Variants in WRNIP1 observed in about 807,000 individuals in gnomAD.
The protein encoded by WRNIP1 is ATPase WRNIP1.
A neutral mutation model predicts 56.1 loss-of-function variants in WRNIP1; 41 were observed. The ratio of observed to expected loss-of-function variants is 0.73; its 90% CI spans 0.57 to 0.95. WRNIP1 has a LOEUF of 0.95. Ranked by LOEUF, WRNIP1 falls within the 40% of genes least tolerant of loss-of-function variation. The pLI, the probability that WRNIP1 is intolerant of heterozygous loss-of-function variation, is 0.00. For missense variants in WRNIP1, 1,170 were observed against 939.4 expected, an observed-to-expected ratio of 1.25 and a Z score of -3.21; for synonymous variants, 547 against 398.1, an observed-to-expected ratio of 1.37 and a Z score of -4.45.
Position 2,783,420 on chromosome 6 carries a change from A to G in WRNIP1, c.1501A>G (p.Asn501Asp). The G allele has an allele frequency of 6.2e-7, 1 of 1,604,782 alleles. No individual in the cohort carries two copies. The highest frequency in any genetic ancestry group is 2.3e-5 in the East Asian group (1 of 44,260). ...TGTGATGTCAGGTGAGGAGCATTAC[A>G]ACTGCATCTCCGCCCTGCACAAGTC... ...LYDRAGEEHY[N>D]CISALHKSMR... The change falls in exon 5 of 7, where the codon AAC becomes GAC. Residue 501 changes from asparagine (N) to aspartate (D), a missense_variant. Coordinates refer to ENST00000380773, the MANE Select transcript of WRNIP1 (RefSeq NM_020135.3).
chr6:2,768,640 C>T (rs892220073), intron 1 of WRNIP1, 51 bp from the exon 2 acceptor site: 3 of 1,481,142 alleles, frequency 2.0e-6, no homozygotes, highest in East Asian at 2.3e-5. Context: ...GGGTGCTGGT[C>T]TCTCTGTGTC....
At chr6:2,784,549 G>A (rs897971780) in intron 6 of WRNIP1, 146 bp downstream of exon 6, 3 of 761,782 alleles carry the variant, frequency 3.9e-6, no homozygotes, top group Non-Finnish European at 4.2e-6. Flanking sequence ...TCCAATTGTA[G>A]ACTCTTAGAC....
chr6:2,773,800 G>A (rs1581137111), intron 3 of WRNIP1: 1 of 984,952 alleles, frequency 1.0e-6, no homozygotes, highest in South Asian at 4.7e-5. Context: ...ACCAGATAGA[G>A]TATACAAGTC....
chr6:2,776,268 C>T (rs978598670), intron 3 of WRNIP1, among the ~76,000 whole-genome samples: 14 of 152,142 alleles, frequency 9.2e-5, no homozygotes, highest in Non-Finnish European at 1.5e-5. Context: ...GGAACCTTTC[C>T]CTGCTCAGTC....
chr6:2,784,936 A>T (rs1765674084), intron 6 of WRNIP1, 71 bp from the exon 7 acceptor site: 12 of 1,569,790 alleles, frequency 7.6e-6, no homozygotes, highest in Non-Finnish European at 8.7e-6. Context: ...AGAGCTGTGT[A>T]TCAGAAGGGG....
chr6:2,780,881 A>G (rs914903310), intron 4 of WRNIP1, among the ~76,000 whole-genome samples: 2 of 152,220 alleles, frequency 1.3e-5, no homozygotes, highest in Admixed American at 6.5e-5. Flanking sequence ...TGAGATCCAT[A>G]TAACATGGCA....
chr6:2,773,980 C>G (rs1765374462), intron 3 of WRNIP1: 1 of 985,158 alleles, frequency 1.0e-6, no homozygotes, highest in Non-Finnish European at 1.2e-6. Flanking sequence ...GAGCCCCTGA[C>G]AAGCTGGCCC....
intron 3 of WRNIP1, among the ~76,000 whole-genome samples, chr6:2,772,361 A>G (rs1765318488): frequency 6.6e-6 from 1 of 152,158 alleles, no homozygotes; most frequent in African/African-American, 2.4e-5. Flanking sequence ...GATCCCAATT[A>G]TATTTGCTAT....
rs895712768 is a variant in WRNIP1, at chr6:2,783,077, T to C, written c.1487-329T>C. ...ACGGGATAGAGCCAGAACAGAAGACTCGTCCCCCTCCACTCTTGTCTCTGG... is the reference window on the plus strand; with the variant it reads ...ACGGGATAGAGCCAGAACAGAAGACCCGTCCCCCTCCACTCTTGTCTCTGG... On this transcript the variant is annotated intron_variant, in intron 4 of 6. Transcript: ENST00000380773. 3.4e-4 allele frequency among the ~76,000 whole-genome samples: 6 copies of C among 17,894 alleles called. No individual in the cohort carries two copies. The Non-Finnish European group carries it at 4.3e-3, about 13-fold the overall frequency. 11.7% of individuals were successfully genotyped at this position (17,894 alleles called of 152,430 possible). A position where few individuals can be genotyped will look rare whatever the true frequency, so the allele number is the denominator to read the frequency against.
intron 3 of WRNIP1, chr6:2,773,127 A>G: frequency 2.0e-6 from 2 of 985,480 alleles, no homozygotes; most frequent in Non-Finnish European, 2.4e-6. Flanking sequence ...GTGAGTTGTC[A>G]CACAGTATAC....
In WRNIP1 at chr6:2,765,946, C is replaced by A; in HGVS notation, c.324C>A (p.Arg108=). 6.9e-7 allele frequency: 1 copy of A among 1,440,454 alleles called. No homozygotes were observed. Among genetic ancestry groups the A allele is most frequent in the South Asian group, 1.4e-5 (1 of 73,756 alleles). 89.2% of individuals were successfully genotyped at this position (1,440,454 alleles called of 1,614,324 possible). Residue 108 remains arginine, a synonymous_variant, in exon 1 of 7, where the codon CGC becomes CGA. Transcript: ENST00000380773. The part of the protein sequence containing the change: ...EGDDGGETES[R]ESYDAPPTPS... ...ACGACGGCGGCGAGACCGAGAGCCG[C>A]GAGAGCTACGACGCGCCGCCCACAC...
At chr6:2,783,384 G>A (rs759623216) in intron 4 of WRNIP1, 22 bp from the exon 5 acceptor site, 1 of 1,570,510 alleles carries the variant, frequency 6.4e-7, no homozygotes, top group Non-Finnish European at 8.7e-7. Flanking sequence ...CTCTGTGTGA[G>A]TGGTGCTCTT....
chr6:2,785,192 G>T lies in WRNIP1; in HGVS notation c.1908G>T (p.Lys636Asn). The change falls in exon 7 of 7, where the codon AAG becomes AAT. Residue 636 changes from lysine (K) to asparagine (N), a missense_variant. Coordinates refer to ENST00000380773, the MANE Select transcript of WRNIP1 (RefSeq NM_020135.3). ...MKDLGYGKGY[K>N]YNPMYSEPVD... ...ATTTGGGCTATGGCAAAGGCTACAA[G>T]TACAACCCCATGTACAGCGAGCCTG... The T allele has an allele frequency of 6.2e-7, 1 of 1,614,214 alleles. No homozygotes were observed. Among genetic ancestry groups the T allele is most frequent in the Non-Finnish European group, 8.5e-7 (1 of 1,180,044 alleles).
intron 1 of WRNIP1, among the ~76,000 whole-genome samples, chr6:2,766,686 T>G (rs1765015226): frequency 6.6e-6 from 1 of 152,214 alleles, no homozygotes; most frequent in South Asian, 2.1e-4. Context: ...AAGGACGATG[T>G]CTGTGAATCC....
At chr6:2,768,214 C>G (rs1765112435) in intron 1 of WRNIP1, among the ~76,000 whole-genome samples, 1 of 152,170 alleles carries the variant, frequency 6.6e-6, no homozygotes, top group South Asian at 2.1e-4. Context: ...GGTCTCAAGG[C>G]AAATGCTCCC....
chr6:2,779,417 C>A lies in WRNIP1; in HGVS notation c.1411C>A (p.Pro471Thr), dbSNP rs762403612. ...TAAGAAGAGTGGGCAATCCTATTCTCCCAGTAGAGTTCTGATCACAGAGAA... is the reference window on the plus strand; with the variant it reads ...TAAGAAGAGTGGGCAATCCTATTCTACCAGTAGAGTTCTGATCACAGAGAA... ...FCKKSGQSYSPSRVLITENDV... is the reference protein window; with the variant it reads ...FCKKSGQSYSTSRVLITENDV... The change falls in exon 4 of 7, where the codon CCC becomes ACC. Residue 471 changes from proline to threonine, a missense_variant. By Grantham distance (38) the Pro-to-Thr change is conservative (BLOSUM62 -1). Transcript: ENST00000380773. The A allele has an allele frequency of 6.2e-7, 1 of 1,614,170 alleles. No individual in the cohort carries two copies. Among genetic ancestry groups the A allele is most frequent in the Non-Finnish European group, 8.5e-7 (1 of 1,180,028 alleles).
chr6:2,784,274 G>C, intron 5 of WRNIP1, 50 bp from the exon 6 acceptor site: 1 of 1,574,790 alleles, frequency 6.4e-7, no homozygotes, highest in Non-Finnish European at 8.7e-7. Context: ...TAGGCCAGGA[G>C]GACAGTGTGT....
In WRNIP1 at chr6:2,765,763, C is replaced by G; in HGVS notation, c.141C>G (p.His47Gln). Residue 47 changes from histidine to glutamine, a missense_variant, in exon 1 of 7, where the codon CAC (histidine) becomes CAG (glutamine). Transcript: ENST00000380773. ...DRCLLLHPAG[H>Q]AEPAAGSHRA... ...GTCTGCTGCTCCACCCGGCGGGGCACGCGGAGCCCGCGGCCGGGTCGCACC... is the reference window on the plus strand; with the variant it reads ...GTCTGCTGCTCCACCCGGCGGGGCAGGCGGAGCCCGCGGCCGGGTCGCACC... 1.8e-5 allele frequency: 26 copies of G among 1,473,212 alleles called. No individual in the cohort carries two copies. Among genetic ancestry groups the G allele is most frequent in the Non-Finnish European group, 2.2e-5 (25 of 1,116,364 alleles). The allele number at this position is 1,473,212 out of a possible 1,614,324, so 91.3% of individuals were successfully genotyped here.
At position 2,771,324 on chromosome 6, in the gene WRNIP1, G is replaced by A. The variant is rs146734485; in HGVS notation, c.1256+963G>A. On this transcript the variant is annotated intron_variant, in intron 3 of 6. Coordinates refer to ENST00000380773, the MANE Select transcript of WRNIP1 (RefSeq NM_020135.3). Reference sequence around the variant, plus strand: ...TCTGAGATGGAGGGAGAATTCTGCTGTGTCTAATGAAAGCATTGAAACATT... The same window carrying A: ...TCTGAGATGGAGGGAGAATTCTGCTATGTCTAATGAAAGCATTGAAACATT... 2.2e-4 allele frequency among the ~76,000 whole-genome samples: 34 copies of A among 152,348 alleles called. No individual in the cohort carries two copies. The East Asian group carries it at 6.0e-3, about 27-fold the overall frequency.
Sources: gnomAD v4.1 joint callset for allele counts (sites outside exome capture counted in the v4.1 genomes callset) on GRCh38, gnomAD v4.1.1 for gene constraint, MANE v1.5 for transcripts, NCBI Gene and HGNC (gene_info 2026-07-23, HGNC 2026-07-21) for gene names.